DPP6: variants seen among roughly 807,000 people sequenced by gnomAD.
The protein encoded by DPP6 is A-type potassium channel modulatory protein DPP6.
DPP6 carries 69 observed loss-of-function variants against 122.6 expected under a neutral mutation model. The ratio of observed to expected loss-of-function variants is 0.56; its 90% CI spans 0.46 to 0.69. The LOEUF (loss-of-function observed/expected upper bound fraction) is 0.69, where lower values mean the gene tolerates loss of function less well. DPP6 is among the 30% of genes least tolerant of loss of function. The pLI, the probability that DPP6 is intolerant of heterozygous loss-of-function variation, is 0.00. For missense variants in DPP6, 928 were observed against 1,116.9 expected (o/e 0.83, Z 2.41); for synonymous variants, 418 against 433.1 (o/e 0.97, Z 0.43).
At chr7:154,082,958 C>T (rs547221765) in intron 1 of DPP6, among the ~76,000 whole-genome samples, 1 of 150,352 alleles carries the variant, frequency 6.7e-6, no homozygotes. Context: ...ACACCATTCT[C>T]CTGCCTCAGC....
intron 3 of DPP6, among the ~76,000 whole-genome samples, chr7:154,496,742 T>C (rs896317850): frequency 6.6e-6 from 1 of 152,150 alleles, no homozygotes; most frequent in African/African-American, 2.4e-5. Flanking sequence ...TTGGAAGAAC[T>C]TGGAAATGTG....
rs1314501736 is a variant in DPP6 at position 154,760,792 on chromosome 7, G to A, written c.884-8625G>A. On this transcript the variant is annotated intron_variant, in intron 8 of 25. Transcript: ENST00000377770. The surrounding 1 kb of genome is among the most constrained non-coding windows in gnomAD (Gnocchi z 4.5). ...AGAGAGAAGACAAAACAAAAAGAAGGGTAAAGGAGCCTGGCATACTGGCTC... is the reference window on the plus strand; with the variant it reads ...AGAGAGAAGACAAAACAAAAAGAAGAGTAAAGGAGCCTGGCATACTGGCTC... Among the ~76,000 whole-genome samples, 1 of 151,868 alleles carries A rather than the reference G, an allele frequency of 6.6e-6. No homozygotes were observed. The highest frequency in any genetic ancestry group is 1.5e-5 in the Non-Finnish European group (1 of 67,994).
At chr7:154,650,080 G>A (rs974317183) in intron 6 of DPP6, among the ~76,000 whole-genome samples, 2 of 152,218 alleles carry the variant, frequency 1.3e-5, no homozygotes, top group African/African-American at 4.8e-5. Flanking sequence ...AGCATTTGGG[G>A]AGGTCAACGT....
intron 1 of DPP6, among the ~76,000 whole-genome samples, chr7:154,075,347 A>T (rs1299469417): frequency 6.6e-6 from 1 of 151,994 alleles, no homozygotes; most frequent in Non-Finnish European, 1.5e-5. Flanking sequence ...TATGAAAAAG[A>T]CACTTGCACG....
Position 154,478,002 on chromosome 7 carries a change from C to CTT in DPP6, c.457+2975_457+2976dup, listed in dbSNP as rs550949096. Among the ~76,000 whole-genome samples, 395 of 147,232 alleles carry CTT rather than the reference C, an allele frequency of 2.7e-3. 1 individual carries two copies. Among genetic ancestry groups the CTT allele is most frequent in the Non-Finnish European group, 4.6e-3 (303 of 66,466 alleles). ...CACATGACCCTCAGCTTCCCCTTAC[C>CTT]TTTTTTTTTTTATCTTATTCCTCTT... is the stretch of plus-strand genomic sequence containing the variant. On this transcript the variant is annotated intron_variant, in intron 3 of 25. Transcript: ENST00000377770.
chr7:154,251,390 A>G (rs1319726825), intron 1 of DPP6, among the ~76,000 whole-genome samples: 2 of 152,234 alleles, frequency 1.3e-5, no homozygotes, highest in Non-Finnish European at 2.9e-5. Flanking sequence ...CCTAAAAGAC[A>G]GAGTCAACAA....
At chr7:154,512,281 A>G (rs1047729028) in intron 3 of DPP6, among the ~76,000 whole-genome samples, 1 of 152,200 alleles carries the variant, frequency 6.6e-6, no homozygotes, top group African/African-American at 2.4e-5. Context: ...CACAGAAATG[A>G]TTATTTTTCT....
intron 2 of DPP6, among the ~76,000 whole-genome samples, chr7:154,458,343 G>A (rs1004818618): frequency 5.3e-5 from 8 of 152,182 alleles, no homozygotes; most frequent in Non-Finnish European, 1.2e-4. Flanking sequence ...CATGTAAGAT[G>A]TGCCTTTGCT....
At chr7:154,137,983 TG>T (rs1795662036) in intron 1 of DPP6, among the ~76,000 whole-genome samples, 1 of 152,176 alleles carries the variant, frequency 6.6e-6, no homozygotes. Flanking sequence ...ACACAATTCC[TG>T]GGGTCAGGGT....
chr7:154,875,965 T>C lies in DPP6; in HGVS notation c.1943T>C (p.Val648Ala), dbSNP rs763831955. The change falls in exon 20 of 26, where the codon GTG becomes GCG. Residue 648 changes from valine to alanine, a missense_variant. Val to Ala is a moderately conservative substitution (Grantham distance 64, BLOSUM62 0). Transcript: ENST00000377770. This position sits in a 1 kb window ranked among gnomAD's most constrained non-coding sequence, Gnocchi z 4.5. ...AAGTTCGAGGTGAGCTGGGAGACGG[T>C]GATGGTGAGCAGCCACGGCGCGGTG... ...AEKFEVSWET[V>A]MVSSHGAVVV... The C allele has an allele frequency of 6.2e-7, 1 of 1,613,454 alleles. No homozygotes were observed. Among genetic ancestry groups the C allele is most frequent in the Non-Finnish European group, 8.5e-7 (1 of 1,179,716 alleles).
chr7:154,575,394 A>AG (rs1491434213), intron 5 of DPP6, among the ~76,000 whole-genome samples: 4 of 24,072 alleles, frequency 1.7e-4, no homozygotes, highest in African/African-American at 5.7e-4. Context: ...ATGTGTGTGT[A>AG]GTGTGTGTGT....
chr7:154,717,291 T>C (rs1463528495), intron 7 of DPP6, among the ~76,000 whole-genome samples: 1 of 152,216 alleles, frequency 6.6e-6, no homozygotes, highest in East Asian at 1.9e-4. Context: ...TTAACCATTA[T>C]TACCCAACTG....
the DPP6 span, among the ~76,000 whole-genome samples, chr7:153,861,904 G>T: frequency 6.6e-6 from 1 of 152,196 alleles, no homozygotes; most frequent in African/African-American, 2.4e-5. Context: ...GGAAAAAGCT[G>T]AGAATGTTGC....
intron 5 of DPP6, among the ~76,000 whole-genome samples, chr7:154,582,631 A>G (rs1456030606): frequency 2.0e-5 from 3 of 152,200 alleles, no homozygotes; most frequent in Non-Finnish European, 4.4e-5. Context: ...CTTAGCTGCC[A>G]CTGGACCATA....
chr7:153,852,112 A>T, the DPP6 span, among the ~76,000 whole-genome samples: 195 of 152,232 alleles, frequency 1.3e-3, 2 homozygotes, highest in African/African-American at 4.1e-3. Flanking sequence ...GTGCTAGATG[A>T]ATCTTGGTAA....
chr7:153,818,331 T>C, the DPP6 span, among the ~76,000 whole-genome samples: 3 of 152,058 alleles, frequency 2.0e-5, no homozygotes, highest in Non-Finnish European at 4.4e-5. Context: ...GGAAATTTGA[T>C]GAGGGGGCAA....
chr7:154,832,565 C>T (rs188931782), intron 16 of DPP6, among the ~76,000 whole-genome samples: 131 of 152,282 alleles, frequency 8.6e-4, no homozygotes, highest in Non-Finnish European at 4.0e-4. Flanking sequence ...TTACGTCTCA[C>T]GCGAGGGCAC....
At chr7:153,749,311 C>A in the DPP6 span, among the ~76,000 whole-genome samples, 1 of 152,118 alleles carries the variant, frequency 6.6e-6, no homozygotes, top group African/African-American at 2.4e-5. This position sits in a 1 kb window ranked among gnomAD's most constrained non-coding sequence, Gnocchi z 4.1. Context: ...GCAGGTGCAG[C>A]TGTTTCCCAT....
intron 16 of DPP6, among the ~76,000 whole-genome samples, chr7:154,828,297 A>G (rs1442807812): frequency 6.6e-6 from 1 of 151,018 alleles, no homozygotes; most frequent in Non-Finnish European, 1.5e-5. Flanking sequence ...GCTTTCCTTA[A>G]GTTTGAAGTT....
Sources: gnomAD v4.1 joint callset for allele counts (sites outside exome capture counted in the v4.1 genomes callset) on GRCh38, gnomAD v4.1.1 for gene constraint, Gnocchi (gnomAD v3.1) non-coding constraint, MANE v1.5 for transcripts, NCBI Gene and HGNC (gene_info 2026-07-23, HGNC 2026-07-21) for gene names.